Variants in INTU observed in about 807,000 individuals in gnomAD.
INTU encodes inturned planar cell polarity protein.
A neutral mutation model predicts 100.5 loss-of-function variants in INTU; 68 were observed. That is an observed-to-expected ratio of 0.68 (90% CI 0.56 to 0.83). The LOEUF (loss-of-function observed/expected upper bound fraction) is 0.83, where lower values mean the gene tolerates loss of function less well. Among genes scored for constraint, INTU ranks in the 40% least tolerant of loss-of-function variants. The probability of loss-of-function intolerance (pLI) is 0.00; values close to 1 mark genes in which losing one functional copy is unlikely to be tolerated. For synonymous variants in INTU, 357 were observed against 395.7 expected (o/e 0.90, Z 1.16); for missense variants, 1,071 against 1,114.7 (o/e 0.96, Z 0.56).
intron 3 of INTU, among the ~76,000 whole-genome samples, chr4:127,661,516 C>T (rs1402234160): frequency 6.6e-6 from 1 of 152,128 alleles, no homozygotes; most frequent in Non-Finnish European, 1.5e-5. Flanking sequence ...ACTCCAGCTT[C>T]ATCTCTGTGA....
In INTU at chr4:127,646,404, G is replaced by A. The variant is rs562821311; in HGVS notation, c.682+2348G>A. Reference sequence around the variant, plus strand: ...TTTCAGTGGTGTTTCCTGTGAGTTGGTAGTTAGATCTTGAGGCCTATCAAA... The same window carrying A: ...TTTCAGTGGTGTTTCCTGTGAGTTGATAGTTAGATCTTGAGGCCTATCAAA... On this transcript the variant is annotated intron_variant, in intron 2 of 15. Coordinates refer to ENST00000335251, the MANE Select transcript of INTU (RefSeq NM_015693.4). Among the ~76,000 whole-genome samples, 137 of 152,206 alleles carry A rather than the reference G, an allele frequency of 9.0e-4. 1 individual carries two copies. Among genetic ancestry groups the A allele is most frequent in the African/African-American group, 3.2e-3 (132 of 41,516 alleles).
At chr4:127,633,218 T>G in intron 1 of INTU, 38 bp downstream of exon 1, 11 of 1,600,388 alleles carry the variant, frequency 6.9e-6, no homozygotes, top group Non-Finnish European at 9.4e-6. Context: ...TCCCATCCCA[T>G]CAATCCAGAG....
intron 3 of INTU, among the ~76,000 whole-genome samples, chr4:127,661,721 A>G (rs1347829463): frequency 6.6e-6 from 1 of 152,168 alleles, no homozygotes; most frequent in Non-Finnish European, 1.5e-5. Context: ...TTTCCAGGGA[A>G]CACCACCAAA....
chr4:127,716,290 A>C (rs757781700), intron 15 of INTU, 35 bp from the exon 16 acceptor site: 1 of 1,021,004 alleles, frequency 9.8e-7, no homozygotes, highest in South Asian at 1.7e-5. Flanking sequence ...TTGTTGTTTT[A>C]ATTTCTGAAA....
intron 2 of INTU, among the ~76,000 whole-genome samples, chr4:127,650,687 G>A (rs1457873691): frequency 2.0e-5 from 3 of 151,700 alleles, no homozygotes; most frequent in African/African-American, 7.3e-5. Context: ...ACATACGTGT[G>A]CATGTGTCTT....
chr4:127,648,309 C>T (rs1180434685), intron 2 of INTU, among the ~76,000 whole-genome samples: 1 of 152,112 alleles, frequency 6.6e-6, no homozygotes, highest in Non-Finnish European at 1.5e-5. Context: ...TTCAGAAACA[C>T]TAGAGGAAAA....
Position 127,669,100 on chromosome 4 carries a change from T to C in INTU, c.1037T>C (p.Ile346Thr), listed in dbSNP as rs780059759. 6.4e-7 allele frequency: 1 copy of C among 1,556,612 alleles called. No individual in the cohort carries two copies. The highest frequency in any genetic ancestry group is 1.8e-5 in the Admixed American group (1 of 55,848). Residue 346 changes from isoleucine (I) to threonine (T), a missense_variant, in exon 5 of 16, where the codon ATT becomes ACT. Ile to Thr is a moderately conservative substitution (Grantham distance 89). Coordinates refer to ENST00000335251, the MANE Select transcript of INTU (RefSeq NM_015693.4). ...ASQKLKSVRGIFLTLCDMLEN... is the reference protein window; with the variant it reads ...ASQKLKSVRGTFLTLCDMLEN... The stretch of plus-strand genomic sequence containing the variant: ...CAGAAACTTAAAAGTGTGAGAGGGA[T>C]TTTTCTCACACTCTGTGACATGCTG...
chr4:127,633,307 G>A, intron 1 of INTU, 127 bp downstream of exon 1: 2 of 901,344 alleles, frequency 2.2e-6, no homozygotes, highest in South Asian at 3.9e-5. Flanking sequence ...TAATAAGTGG[G>A]ATTTAATTGC....
At chr4:127,710,135 T>C (rs924936687) in intron 13 of INTU, among the ~76,000 whole-genome samples, 3 of 152,160 alleles carry the variant, frequency 2.0e-5, no homozygotes, top group Non-Finnish European at 4.4e-5. Flanking sequence ...GAGACTCTTT[T>C]TTCAAGTTCA....
chr4:127,656,211 C>G (rs1011004652), intron 2 of INTU, among the ~76,000 whole-genome samples: 3 of 152,132 alleles, frequency 2.0e-5, no homozygotes, highest in East Asian at 1.9e-4. Context: ...GAGCTGTAGA[C>G]GGGAGCTGTT....
intron 4 of INTU, among the ~76,000 whole-genome samples, chr4:127,666,248 A>C (rs1209832080): frequency 1.3e-5 from 2 of 152,034 alleles, no homozygotes. Flanking sequence ...CTATACTTGT[A>C]GACTCTATAC....
chr4:127,679,057 C>A (rs1316484957), intron 6 of INTU, among the ~76,000 whole-genome samples: 1 of 152,012 alleles, frequency 6.6e-6, no homozygotes, highest in East Asian at 1.9e-4. Context: ...AGCTAACTAT[C>A]CTAAATATAT....
intron 12 of INTU, 34 bp from the exon 13 acceptor site, chr4:127,708,537 G>C: frequency 9.2e-7 from 1 of 1,092,746 alleles, no homozygotes; most frequent in Non-Finnish European, 1.4e-6. Flanking sequence ...TCCATTCTTA[G>C]ATATAAACTG....
chr4:127,655,367 G>T (rs2126191411), intron 2 of INTU, among the ~76,000 whole-genome samples: 1 of 151,480 alleles, frequency 6.6e-6, no homozygotes. Flanking sequence ...TCTACTTTTG[G>T]TCTTTGATGA....
chr4:127,713,424 A>G (rs962503975), intron 14 of INTU, among the ~76,000 whole-genome samples: 1 of 152,220 alleles, frequency 6.6e-6, no homozygotes, highest in Non-Finnish European at 1.5e-5. Context: ...TGTTTTGCTA[A>G]TGCTTTAATC....
chr4:127,642,154 CAA>C (rs1727363450), intron 1 of INTU, among the ~76,000 whole-genome samples: 1 of 152,106 alleles, frequency 6.6e-6, no homozygotes, highest in Non-Finnish European at 1.5e-5. Flanking sequence ...TTTAGACTCT[CAA>C]GAGTAGAACT....
At chr4:127,680,596 G>A in intron 6 of INTU, among the ~76,000 whole-genome samples, 1 of 101,290 alleles carries the variant, frequency 9.9e-6, no homozygotes, top group Non-Finnish European at 2.1e-5. Context: ...GTATTGATGG[G>A]ACGTATCTCA....
intron 1 of INTU, among the ~76,000 whole-genome samples, chr4:127,637,579 T>A (rs1453022726): frequency 1.3e-5 from 2 of 152,216 alleles, no homozygotes; most frequent in East Asian, 3.8e-4. Flanking sequence ...TCCTAGAATC[T>A]TTTCTGGTCT....
intron 9 of INTU, among the ~76,000 whole-genome samples, chr4:127,703,782 T>C (rs1389445469): frequency 6.6e-6 from 1 of 152,184 alleles, no homozygotes; most frequent in African/African-American, 2.4e-5. Context: ...AGTATTCCTG[T>C]AGATTTCTAG....
Sources: allele counts gnomAD v4.1 joint callset (sites outside exome capture counted in the v4.1 genomes callset), GRCh38; gene constraint gnomAD v4.1.1; transcripts MANE v1.5; gene names NCBI Gene and HGNC (gene_info 2026-07-23, HGNC 2026-07-21).